The following MIPOL1 variants were observed in gnomAD, a reference collection of about 807,000 sequenced individuals.
MIPOL1 encodes the protein mirror-image polydactyly gene 1 protein.
Under a neutral mutation model 60.9 loss-of-function variants are expected in MIPOL1, and 57 were observed. That is an observed-to-expected ratio of 0.94 (90% CI 0.76 to 1.17). The LOEUF is 1.17. MIPOL1 is among the 50% of genes most tolerant of loss of function. The pLI is 0.00. For synonymous variants in MIPOL1, 179 were observed against 168.8 expected (o/e 1.06, Z -0.47); for missense variants, 551 against 511.6 (o/e 1.08, Z -0.74).
chr14:37,353,828 T>C (rs1294799819), intron 9 of MIPOL1, among the ~76,000 whole-genome samples: 1 of 152,176 alleles, frequency 6.6e-6, no homozygotes, highest in East Asian at 1.9e-4. Context: ...TAGCGATCTA[T>C]CAATTTTGTT....
At chr14:37,314,737 C>G (rs2087694014) in intron 9 of MIPOL1, among the ~76,000 whole-genome samples, 1 of 152,258 alleles carries the variant, frequency 6.6e-6, no homozygotes, top group South Asian at 2.1e-4. Context: ...TTCCTACTAT[C>G]ATGAACTTGC....
At chr14:37,488,934 A>T (rs908882419) in intron 11 of MIPOL1, among the ~76,000 whole-genome samples, 5 of 152,064 alleles carry the variant, frequency 3.3e-5, no homozygotes, top group African/African-American at 1.2e-4. Flanking sequence ...GCTCTTCTCA[A>T]GGAATATCTT....
At chr14:37,291,914 ATTTTTTTTT>A (rs57230205) in intron 7 of MIPOL1, among the ~76,000 whole-genome samples, 2 of 92,978 alleles carry the variant, frequency 2.2e-5, no homozygotes, top group African/African-American at 1.1e-4. Flanking sequence ...AATGGCAATA[ATTTTTTTTT>A]TTTTTTTTTT....
chr14:37,281,390 G>GT (rs918733248), intron 6 of MIPOL1, among the ~76,000 whole-genome samples: 5 of 151,916 alleles, frequency 3.3e-5, no homozygotes, highest in Admixed American at 3.3e-4. Flanking sequence ...ATACCATGCT[G>GT]TTTTTTTGTT....
intron 11 of MIPOL1, among the ~76,000 whole-genome samples, chr14:37,475,297 G>A (rs1298371487): frequency 1.3e-5 from 2 of 152,098 alleles, no homozygotes; most frequent in African/African-American, 4.8e-5. Flanking sequence ...ATTTTAAAGA[G>A]TTCTTTGTGT....
intron 7 of MIPOL1, among the ~76,000 whole-genome samples, chr14:37,296,342 A>G (rs1034407837): frequency 2.0e-5 from 3 of 152,224 alleles, no homozygotes; most frequent in Non-Finnish European, 4.4e-5. Flanking sequence ...AATGCCCACA[A>G]GAGAAAGCAG....
At chr14:37,416,923 A>G (rs921131398) in intron 10 of MIPOL1, among the ~76,000 whole-genome samples, 1 of 152,046 alleles carries the variant, frequency 6.6e-6, no homozygotes, top group Non-Finnish European at 1.5e-5. Context: ...TTGTTTTCCT[A>G]CTGTTTATTT....
chr14:37,212,539 T>G (rs1966875023), intron 1 of MIPOL1, among the ~76,000 whole-genome samples: 1 of 152,102 alleles, frequency 6.6e-6, no homozygotes, highest in Non-Finnish European at 1.5e-5. Flanking sequence ...GAGTTCCAGC[T>G]CACTCATAGT....
At chr14:37,375,521 C>T (rs1187339735) in intron 10 of MIPOL1, among the ~76,000 whole-genome samples, 1 of 152,156 alleles carries the variant, frequency 6.6e-6, no homozygotes, top group Non-Finnish European at 1.5e-5. Flanking sequence ...CCTACTCACA[C>T]ATTTCCTTCC....
intron 11 of MIPOL1, among the ~76,000 whole-genome samples, chr14:37,477,311 T>C (rs2094792077): frequency 6.6e-6 from 1 of 152,110 alleles, no homozygotes; most frequent in Non-Finnish European, 1.5e-5. Context: ...ACATCATTTC[T>C]TTCTTAAATA....
At chr14:37,534,660 T>TGA (rs1388688439) in intron 12 of MIPOL1, among the ~76,000 whole-genome samples, 1 of 152,180 alleles carries the variant, frequency 6.6e-6, no homozygotes, top group Admixed American at 6.5e-5. Context: ...AAATATCCCC[T>TGA]GAGAGACAAA....
chr14:37,420,642 A>G (rs1261405290), intron 10 of MIPOL1, among the ~76,000 whole-genome samples: 2 of 152,130 alleles, frequency 1.3e-5, no homozygotes, highest in East Asian at 1.9e-4. Flanking sequence ...GTCACCCTCC[A>G]ACTTACCCCC....
intron 12 of MIPOL1, among the ~76,000 whole-genome samples, chr14:37,517,833 A>C (rs2095381990): frequency 6.6e-6 from 1 of 152,186 alleles, no homozygotes; most frequent in African/African-American, 2.4e-5. Context: ...ATCAGCCAGA[A>C]ACTAAAATGA....
chr14:37,487,559 G>C (rs1334130238), intron 11 of MIPOL1, among the ~76,000 whole-genome samples: 1 of 152,150 alleles, frequency 6.6e-6, no homozygotes, highest in Non-Finnish European at 1.5e-5. Context: ...TCCTGGTTTA[G>C]ACTTGGAAAG....
At chr14:37,320,412 G>A (rs1004025934) in intron 9 of MIPOL1, among the ~76,000 whole-genome samples, 2 of 151,790 alleles carry the variant, frequency 1.3e-5, no homozygotes, top group African/African-American at 4.8e-5. Flanking sequence ...TAATGATGTT[G>A]GTAGCTTTTT....
At chr14:37,403,814 G>T (rs1402160819) in intron 10 of MIPOL1, among the ~76,000 whole-genome samples, 4 of 152,274 alleles carry the variant, frequency 2.6e-5, no homozygotes, top group South Asian at 2.1e-4. Flanking sequence ...CAAGCTGCTT[G>T]TGATGACCCA....
intron 11 of MIPOL1, among the ~76,000 whole-genome samples, chr14:37,492,083 C>A (rs1196134790): frequency 6.6e-6 from 1 of 152,168 alleles, no homozygotes; most frequent in Non-Finnish European, 1.5e-5. Flanking sequence ...CTTGTCTAAT[C>A]CTTCTGCCTT....
intron 12 of MIPOL1, chr14:37,504,170 C>G (rs1442400179): frequency 1.3e-5 from 2 of 152,224 alleles, no homozygotes; most frequent in South Asian, 4.2e-4. Flanking sequence ...GACTTTAACA[C>G]CCCACTGTCA....
intron 3 of MIPOL1, among the ~76,000 whole-genome samples, chr14:37,251,462 C>T (rs1445085613): frequency 6.6e-6 from 1 of 151,300 alleles, no homozygotes; most frequent in Non-Finnish European, 1.5e-5. Context: ...CATATATTGC[C>T]AGCAAAAAAT....
Sources: gnomAD v4.1 joint callset for allele counts (sites outside exome capture counted in the v4.1 genomes callset) on GRCh38, gnomAD v4.1.1 for gene constraint, MANE v1.5 for transcripts, NCBI Gene and HGNC (gene_info 2026-07-23, HGNC 2026-07-21) for gene names.